Variants in OR8G1 observed in about 807,000 individuals in gnomAD.
OR8G1 encodes olfactory receptor 8G1.
For synonymous variants in OR8G1, 129 were observed against 133.3 expected (o/e 0.97, Z 0.22); for missense variants, 372 against 356.2 (o/e 1.04, Z -0.36).
At position 124,249,705 on chromosome 11, in the gene OR8G1, T is replaced by C; in HGVS notation, c.30T>C (p.Thr10=). The C allele has an allele frequency of 6.2e-7, 1 of 1,613,536 alleles. No homozygotes were observed. The highest frequency in any genetic ancestry group is 8.5e-7 in the Non-Finnish European group (1 of 1,179,694). Residue 10 remains threonine, a synonymous_variant, in exon 3 of 3, where the codon ACT becomes ACC. Transcript: ENST00000641972. MSGENNSSV[T]EFILAGLSEQ... is the part of the protein sequence containing the mutation. ...CAGGAGAAAATAATTCCTCAGTGAC[T>C]GAGTTCATTCTGGCTGGGCTCTCAG...
rs898000201 is a variant in OR8G1, at chr11:124,252,565, T to G, written c.*1954T>G. ...CATTTGAACGTCTACTCTGTACATT[T>G]CCCTTGCTTCAATGGACTATAAGCT... On this transcript the variant is annotated 3_prime_UTR_variant, in exon 3 of 3. Coordinates refer to ENST00000641972, the MANE Select transcript of OR8G1 (RefSeq NM_001002905.2). 1.3e-5 allele frequency: 2 copies of G among 152,150 alleles called. No individual in the cohort carries two copies. The highest frequency in any genetic ancestry group is 4.8e-5 in the African/African-American group (2 of 41,434). 9.4% of individuals were successfully genotyped at this position (152,150 alleles called of 1,614,324 possible).
chr11:124,249,555 G>A (rs2512239), intron 2 of OR8G1, 105 bp from the exon 3 acceptor site: 125,337 of 1,071,158 alleles, frequency 0.12, 7,822 homozygotes, highest in South Asian at 0.18. Flanking sequence ...TACTCAAAGG[G>A]GATACCTAAA....
chr11:124,242,764 G>A (rs1436737436), intron 1 of OR8G1, among the ~76,000 whole-genome samples: 1 of 151,948 alleles, frequency 6.6e-6, no homozygotes, highest in Admixed American at 6.6e-5. Flanking sequence ...ATTCAAACCA[G>A]ATATGTTGTA....
At chr11:124,244,574 A>G (rs1228584742) in intron 1 of OR8G1, among the ~76,000 whole-genome samples, 9 of 147,310 alleles carry the variant, frequency 6.1e-5, no homozygotes, top group Admixed American at 6.1e-4. Flanking sequence ...AACATTGGCT[A>G]TGACAAAAAA....
intron 1 of OR8G1, among the ~76,000 whole-genome samples, chr11:124,244,044 G>C (rs1197511331): frequency 1.6e-5 from 2 of 124,586 alleles, no homozygotes; most frequent in African/African-American, 6.0e-5. Flanking sequence ...GAGAGAGATG[G>C]AGAGAGAACG....
rs1389710066 is a variant in OR8G1, at chr11:124,247,828, A to G, written c.-69A>G. 1 of 151,858 alleles carries G rather than the reference A, an allele frequency of 6.6e-6. No individual in the cohort carries two copies. The highest frequency in any genetic ancestry group is 1.9e-4 in the East Asian group (1 of 5,188). 9.4% of individuals were successfully genotyped at this position (151,858 alleles called of 1,614,324 possible). On this transcript the variant is annotated 5_prime_UTR_variant, in exon 2 of 3. An upstream start codon of the reference 5' UTR is lost. Transcript: ENST00000641972. ...TGGGGCTCTTATGAATAAGGCTGTC[A>G]TGAACATTTTTGTATAAATCTTCAT...
Position 124,250,653 on chromosome 11 carries a change from G to T in OR8G1, c.*42G>T. On this transcript the variant is annotated 3_prime_UTR_variant, in exon 3 of 3. Transcript: ENST00000641972. ...GATGATATATTAATCCTAAGTAGTG[G>T]ACTGTTACATTGTATGAATGGATGT... 2.7e-6 allele frequency: 1 copy of T among 376,608 alleles called. No individual in the cohort carries two copies. Among genetic ancestry groups the T allele is most frequent in the Non-Finnish European group, 4.1e-6 (1 of 244,464 alleles). The allele number at this position is 376,608 out of a possible 1,614,324, so 23.3% of individuals were successfully genotyped here.
chr11:124,249,769 T>C lies in OR8G1; in HGVS notation c.94T>C (p.Leu32=). 1 of 1,613,868 alleles carries C rather than the reference T, an allele frequency of 6.2e-7. No individual in the cohort carries two copies. The highest frequency in any genetic ancestry group is 1.1e-5 in the South Asian group (1 of 91,068). ...ELQLPLFLLF[L]GIYVVTVVGN... Reference sequence around the variant, plus strand: ...CCAGCTGCCCCTCTTCCTCCTGTTCTTAGGAATCTATGTGGTCACAGTGGT... The same window carrying C: ...CCAGCTGCCCCTCTTCCTCCTGTTCCTAGGAATCTATGTGGTCACAGTGGT... The change falls in exon 3 of 3, where the codon TTA becomes CTA. Residue 32 remains leucine, a synonymous_variant. Transcript: ENST00000641972.
chr11:124,251,488 G>C lies in OR8G1; in HGVS notation c.*877G>C. On this transcript the variant is annotated 3_prime_UTR_variant, in exon 3 of 3. Coordinates refer to ENST00000641972, the MANE Select transcript of OR8G1 (RefSeq NM_001002905.2). ...TCTTCAAGAATCTATAATATAACTG[G>C]TAACATTCTGACCTATTCTATGCTA... 4.7e-6 allele frequency: 3 copies of C among 638,862 alleles called. No homozygotes were observed. Among genetic ancestry groups the C allele is most frequent in the Non-Finnish European group, 7.3e-6 (3 of 411,688 alleles). 39.6% of individuals were successfully genotyped at this position (638,862 alleles called of 1,614,324 possible).
rs1861853251 is a variant in OR8G1, at chr11:124,250,179, C to T, written c.504C>T (p.Phe168=). 4.3e-6 allele frequency: 7 copies of T among 1,613,670 alleles called. No homozygotes were observed. Among genetic ancestry groups the T allele is most frequent in the African/African-American group, 2.7e-5 (2 of 74,912 alleles). The change falls in exon 3 of 3, where the codon TTC becomes TTT. Residue 168 remains phenylalanine (F), a synonymous_variant. Coordinates refer to ENST00000641972, the MANE Select transcript of OR8G1 (RefSeq NM_001002905.2). ...VHTGCMFRVQ[F]CKFDLINHYF... is the part of the protein sequence containing the mutation. Reference sequence around the variant, plus strand: ...CAGGCTGTATGTTTAGGGTTCAATTCTGCAAATTTGATTTGATTAACCATT... The same window carrying T: ...CAGGCTGTATGTTTAGGGTTCAATTTTGCAAATTTGATTTGATTAACCATT...
Position 124,249,880 on chromosome 11 carries a change from A to G in OR8G1, c.205A>G (p.Ile69Val), listed in dbSNP as rs934842406. The change falls in exon 3 of 3, where the codon ATT becomes GTT. Residue 69 changes from isoleucine (I) to valine (V), a missense_variant. Coordinates refer to ENST00000641972, the MANE Select transcript of OR8G1 (RefSeq NM_001002905.2). ...CTATTTCCTCAGCAGTCTGTCCTTCATTGACTTCTGCCATTCCACTGTCAT... is the reference window on the plus strand; with the variant it reads ...CTATTTCCTCAGCAGTCTGTCCTTCGTTGACTTCTGCCATTCCACTGTCAT... ...MYYFLSSLSF[I>V]DFCHSTVITP... 1.9e-6 allele frequency: 3 copies of G among 1,613,846 alleles called. No homozygotes were observed. The highest frequency in any genetic ancestry group is 2.5e-6 in the Non-Finnish European group (3 of 1,179,974).
rs1861881168 is a variant in OR8G1 at position 124,253,267 on chromosome 11, A to C, written c.*2656A>C. ...GAAACCTCATTTCTGCAGAAAATAC[A>C]AAAATTAGCTGGGCATGGTGGTGTG... On this transcript the variant is annotated 3_prime_UTR_variant, in exon 3 of 3. Coordinates refer to ENST00000641972, the MANE Select transcript of OR8G1 (RefSeq NM_001002905.2). The C allele has an allele frequency of 6.6e-6, 1 of 152,108 alleles. No homozygotes were observed. Among genetic ancestry groups the C allele is most frequent in the Non-Finnish European group, 1.5e-5 (1 of 68,044 alleles). 9.4% of individuals were successfully genotyped at this position (152,108 alleles called of 1,614,324 possible). A position where few individuals can be genotyped will look rare whatever the true frequency, so the allele number is the denominator to read the frequency against.
In OR8G1 at chr11:124,250,008, G is replaced by A. The variant is rs1265489887; in HGVS notation, c.333G>A (p.Glu111=). The change falls in exon 3 of 3, where the codon GAG becomes GAA. Residue 111 remains glutamate, a synonymous_variant. Transcript: ENST00000641972. Reference sequence around the variant, plus strand: ...TCTTCCTCGTTTTTGCTATTGCAGAGTGTCACATGTTGGCTGCAATGGCGT... The same window carrying A: ...TCTTCCTCGTTTTTGCTATTGCAGAATGTCACATGTTGGCTGCAATGGCGT... ...LYFFLVFAIA[E]CHMLAAMAYD... is the part of the protein sequence containing the mutation. The A allele has an allele frequency of 6.2e-7, 1 of 1,613,712 alleles. No individual in the cohort carries two copies. Among genetic ancestry groups the A allele is most frequent in the African/African-American group, 1.3e-5 (1 of 74,870 alleles).
At chr11:124,247,182 A>T (rs925557761) in intron 1 of OR8G1, among the ~76,000 whole-genome samples, 2 of 151,780 alleles carry the variant, frequency 1.3e-5, no homozygotes, top group Non-Finnish European at 2.9e-5. Context: ...GAAACAACTA[A>T]AGTAGAAATA....
At chr11:124,242,292 G>A (rs1047558759) in intron 1 of OR8G1, among the ~76,000 whole-genome samples, 15 of 151,910 alleles carry the variant, frequency 9.9e-5, no homozygotes, top group African/African-American at 3.6e-4. Flanking sequence ...GCTTTTGTGT[G>A]CCTTCCATCT....
In OR8G1 at chr11:124,251,737, G is replaced by C. The variant is rs1177089149; in HGVS notation, c.*1126G>C. On this transcript the variant is annotated 3_prime_UTR_variant, in exon 3 of 3. Coordinates refer to ENST00000641972, the MANE Select transcript of OR8G1 (RefSeq NM_001002905.2). ...TGGTGATAGAGTTGGAACCTGAATA[G>C]CATGGTCTAAACTACCCTTAATTCT... 5.0e-5 allele frequency: 9 copies of C among 178,730 alleles called. No homozygotes were observed. The highest frequency in any genetic ancestry group is 9.7e-5 in the Non-Finnish European group (8 of 82,758). 11.1% of individuals were successfully genotyped at this position (178,730 alleles called of 1,614,324 possible).
chr11:124,248,691 G>A (rs7128373), intron 2 of OR8G1, among the ~76,000 whole-genome samples: 3,794 of 151,940 alleles, frequency 0.025, 153 homozygotes, highest in African/African-American at 0.085. Context: ...TATTCTAAAT[G>A]TATGCCTGTT....
chr11:124,251,485 C>A lies in OR8G1; in HGVS notation c.*874C>A. ...GGTTCTTCAAGAATCTATAATATAA[C>A]TGGTAACATTCTGACCTATTCTATG... On this transcript the variant is annotated 3_prime_UTR_variant, in exon 3 of 3. Coordinates refer to ENST00000641972, the MANE Select transcript of OR8G1 (RefSeq NM_001002905.2). 1.5e-6 allele frequency: 1 copy of A among 652,610 alleles called. No individual in the cohort carries two copies. Among genetic ancestry groups the A allele is most frequent in the Non-Finnish European group, 2.4e-6 (1 of 422,618 alleles). The allele number at this position is 652,610 out of a possible 1,614,324, so 40.4% of individuals were successfully genotyped here.
At position 124,247,886 on chromosome 11, in the gene OR8G1, T is replaced by C. The variant is rs551252258; in HGVS notation, c.-17+6T>C. On this transcript the variant is annotated splice_donor_region_variant and intron_variant, in intron 2 of 2. Coordinates refer to ENST00000641972, the MANE Select transcript of OR8G1 (RefSeq NM_001002905.2). ...AACGTTTACATTTTTCTTGGGTAAG[T>C]ACTGAGGAGCAGAATTATTATATTG... The C allele has an allele frequency of 6.6e-6, 1 of 152,058 alleles. No homozygotes were observed. The highest frequency in any genetic ancestry group is 2.1e-4 in the South Asian group (1 of 4,830). The allele number at this position is 152,058 out of a possible 1,614,324, so 9.4% of individuals were successfully genotyped here.
Sources: allele counts gnomAD v4.1 joint callset (sites outside exome capture counted in the v4.1 genomes callset), GRCh38; gene constraint gnomAD v4.1.1; transcripts MANE v1.5; gene names NCBI Gene and HGNC (gene_info 2026-07-23, HGNC 2026-07-21).